CBLB: variants seen among roughly 807,000 people sequenced by gnomAD.
CBLB encodes Cbl proto-oncogene B, also known as E3 ubiquitin-protein ligase CBL-B.
In CBLB, 31 loss-of-function variants were observed where a neutral mutation model predicts 104.9. That is an observed-to-expected ratio of 0.30 (90% CI 0.22 to 0.40). CBLB has a LOEUF of 0.40. Ranked by LOEUF, CBLB falls within the 10% of genes least tolerant of loss-of-function variation. The probability of loss-of-function intolerance (pLI) is 1.00; values close to 1 mark genes in which losing one functional copy is unlikely to be tolerated. For missense variants in CBLB, 1,062 were observed against 1,214.6 expected (o/e 0.87, Z 1.87); for synonymous variants, 440 against 422.6 (o/e 1.04, Z -0.51).
intron 3 of CBLB, among the ~76,000 whole-genome samples, chr3:105,789,252 A>G (rs896119637): frequency 4.6e-5 from 7 of 152,206 alleles, no homozygotes; most frequent in Non-Finnish European, 8.8e-5. Context: ...CTAGCACTTG[A>G]AAGGATAGGG....
intron 12 of CBLB, among the ~76,000 whole-genome samples, chr3:105,698,009 A>G (rs1296140143): frequency 6.6e-6 from 1 of 152,100 alleles, no homozygotes; most frequent in Non-Finnish European, 1.5e-5. Context: ...GAACAGCTTT[A>G]TAAGGTGACT....
intron 4 of CBLB, among the ~76,000 whole-genome samples, chr3:105,768,113 T>C (rs2078434354): frequency 6.6e-6 from 1 of 152,248 alleles, no homozygotes; most frequent in Non-Finnish European, 1.5e-5. Context: ...TAAATAAGCT[T>C]GATTTCATGG....
intron 3 of CBLB, among the ~76,000 whole-genome samples, chr3:105,783,650 A>T (rs2080573773): frequency 6.6e-6 from 1 of 152,182 alleles, no homozygotes. Context: ...AGAGAGCTCC[A>T]AAGATAAAGA....
At chr3:105,722,198 C>CAAAAAAAAAAAAAAAAAAAAA (rs5851468) in intron 9 of CBLB, among the ~76,000 whole-genome samples, 8 of 84,410 alleles carry the variant, frequency 9.5e-5, no homozygotes, top group Non-Finnish European at 1.1e-4. Flanking sequence ...GACCCCGTGC[C>CAAAAAAAAAAAAAAAAAAAAA]AAAAAAAAAA....
At chr3:105,698,105 T>G (rs2068616546) in intron 12 of CBLB, among the ~76,000 whole-genome samples, 1 of 152,036 alleles carries the variant, frequency 6.6e-6, no homozygotes, top group Non-Finnish European at 1.5e-5. Context: ...ACAATAACTC[T>G]TAGCTTGTAG....
chr3:105,681,327 C>T, intron 16 of CBLB, 152 bp downstream of exon 16: 1 of 701,052 alleles, frequency 1.4e-6, no homozygotes, highest in Non-Finnish European at 2.5e-6. Context: ...GTCTCGTGAA[C>T]TTGGGAGTCA....
intron 3 of CBLB, among the ~76,000 whole-genome samples, chr3:105,824,401 G>GT (rs1027657151): frequency 1.3e-5 from 2 of 152,092 alleles, no homozygotes; most frequent in Non-Finnish European, 2.9e-5. Context: ...CTACAGGCTA[G>GT]TTTTTTGCCA....
intron 3 of CBLB, among the ~76,000 whole-genome samples, chr3:105,807,703 AC>A (rs961358522): frequency 6.6e-6 from 1 of 152,190 alleles, no homozygotes; most frequent in African/African-American, 2.4e-5. Context: ...AAAAAGCAAA[AC>A]AAAACTGAGA....
Position 105,720,146 on chromosome 3 carries a change from G to A in CBLB, c.1308C>T (p.Cys436=), listed in dbSNP as rs2152826353. The A allele has an allele frequency of 1.2e-6, 2 of 1,613,760 alleles. No individual in the cohort carries two copies. The highest frequency in any genetic ancestry group is 1.7e-6 in the Non-Finnish European group (2 of 1,179,726). ...FDPRDEGSRC[C]SIIDPFGMPM... is the part of the protein sequence containing the mutation. ...GCATGCCAAAGGGGTCAATGATGCT[G>A]CAACACCTGGAGCCTTCATCTCTTG... is the stretch of plus-strand genomic sequence containing the variant. Residue 436 remains cysteine (C), a synonymous_variant, in exon 10 of 19, where the codon TGC becomes TGT. Coordinates refer to ENST00000394030, the MANE Select transcript of CBLB (RefSeq NM_170662.5).
chr3:105,754,507 GAGAGAGAGAGAGAGAC>G (rs1406125974), intron 4 of CBLB, among the ~76,000 whole-genome samples: 1 of 85,052 alleles, frequency 1.2e-5, no homozygotes, highest in Non-Finnish European at 2.3e-5. Flanking sequence ...GAGAGAGAGA[GAGAGAGAGAGAGAGAC>G]AGAGAGAGAG....
intron 9 of CBLB, among the ~76,000 whole-genome samples, chr3:105,720,736 CTGTG>C (rs1240741617): frequency 5.3e-5 from 8 of 152,110 alleles, no homozygotes; most frequent in Non-Finnish European, 1.0e-4. Context: ...TTTTAACTGC[CTGTG>C]TATTTTAAAA....
chr3:105,842,289 T>G (rs748448286), intron 3 of CBLB, among the ~76,000 whole-genome samples: 1 of 152,182 alleles, frequency 6.6e-6, no homozygotes, highest in African/African-American at 2.4e-5. Flanking sequence ...CGACCAAATA[T>G]TCTCCTGTCT....
chr3:105,703,007 A>C (rs1309567540), intron 11 of CBLB, among the ~76,000 whole-genome samples: 1 of 152,234 alleles, frequency 6.6e-6, no homozygotes, highest in South Asian at 2.1e-4. Context: ...AAAAGATCAC[A>C]AGTAACAGAG....
intron 3 of CBLB, among the ~76,000 whole-genome samples, chr3:105,825,077 T>C (rs1181181791): frequency 6.6e-6 from 1 of 152,216 alleles, no homozygotes; most frequent in East Asian, 1.9e-4. Flanking sequence ...GATTTCCTTG[T>C]GGTCTACCTT....
chr3:105,782,842 G>A (rs2080456320), intron 3 of CBLB, among the ~76,000 whole-genome samples: 1 of 152,052 alleles, frequency 6.6e-6, no homozygotes, highest in South Asian at 2.1e-4. Flanking sequence ...AAAGTGCTGG[G>A]ATTACAGGCG....
chr3:105,758,363 C>T (rs1400557633), intron 4 of CBLB, among the ~76,000 whole-genome samples: 2 of 152,194 alleles, frequency 1.3e-5, no homozygotes, highest in African/African-American at 4.8e-5. Flanking sequence ...GACACAGATG[C>T]TGGGTATTTA....
chr3:105,730,792 A>C (rs1235205141), intron 9 of CBLB, among the ~76,000 whole-genome samples: 1 of 152,190 alleles, frequency 6.6e-6, no homozygotes, highest in Non-Finnish European at 1.5e-5. Context: ...ATTACTGTCT[A>C]GTAACATAAA....
intron 2 of CBLB, among the ~76,000 whole-genome samples, chr3:105,866,395 C>T (rs867600167): frequency 2.0e-5 from 3 of 152,156 alleles, no homozygotes; most frequent in Non-Finnish European, 4.4e-5. Context: ...CACATCCTTA[C>T]ACAGAAATTT....
chr3:105,832,858 A>C (rs1287266944), intron 3 of CBLB, among the ~76,000 whole-genome samples: 2 of 152,220 alleles, frequency 1.3e-5, no homozygotes, highest in Non-Finnish European at 1.5e-5. Flanking sequence ...GAAGAAACAG[A>C]AACTGTGACA....
Sources: gnomAD v4.1 joint callset for allele counts (sites outside exome capture counted in the v4.1 genomes callset) on GRCh38, gnomAD v4.1.1 for gene constraint, MANE v1.5 for transcripts, NCBI Gene and HGNC (gene_info 2026-07-23, HGNC 2026-07-21) for gene names.